The following UROC1 variants were observed in gnomAD, a reference collection of about 807,000 sequenced individuals.
The protein encoded by UROC1 is urocanate hydratase.
Under a neutral mutation model 89.5 loss-of-function variants are expected in UROC1, and 79 were observed. That is an observed-to-expected ratio of 0.88 (90% CI 0.74 to 1.06). The LOEUF is 1.06. UROC1 is among the 50% of genes least tolerant of loss of function. UROC1 has a pLI of 0.00. For missense variants in UROC1, 885 were observed against 907.8 expected (o/e 0.97, Z 0.32); for synonymous variants, 361 against 354.8 (o/e 1.02, Z -0.20).
At position 126,504,040 on chromosome 3, in the gene UROC1, A is replaced by G; in HGVS notation, c.857T>C (p.Leu286Pro). 6.2e-7 allele frequency: 1 copy of G among 1,614,140 alleles called. No homozygotes were observed. Among genetic ancestry groups the G allele is most frequent in the Non-Finnish European group, 8.5e-7 (1 of 1,180,038 alleles). The change falls in exon 9 of 20, where the codon CTG becomes CCG. Residue 286 changes from leucine (L) to proline (P), a missense_variant. Coordinates refer to ENST00000290868, the MANE Select transcript of UROC1 (RefSeq NM_144639.3). ...GTCCAAGCTGTCAGTCACTTCCATC[A>G]GCCAGCCCTGCCTGTGGCGTTTCTC... The part of the protein sequence containing the change: ...ALEKRHRQGW[L>P]MEVTDSLDRC...
chr3:126,513,465 T>C (rs1936237098), intron 1 of UROC1, among the ~76,000 whole-genome samples: 1 of 152,196 alleles, frequency 6.6e-6, no homozygotes, highest in Non-Finnish European at 1.5e-5. Flanking sequence ...GACAGCGCTC[T>C]GGGTTGCATG....
chr3:126,510,651 C>G lies in UROC1; in HGVS notation c.257+13G>C. 6.2e-7 allele frequency: 1 copy of G among 1,613,762 alleles called. No individual in the cohort carries two copies. The highest frequency in any genetic ancestry group is 1.1e-5 in the South Asian group (1 of 91,056). ...CCCTCGGGTCCCTTTGAAGCTGTAC[C>G]CACAAGGCTGACCTCATTTCAATGT... On this transcript the variant is annotated intron_variant, in intron 2 of 19. Coordinates refer to ENST00000290868, the MANE Select transcript of UROC1 (RefSeq NM_144639.3).
At chr3:126,510,319 C>A (rs190485031) in intron 2 of UROC1, among the ~76,000 whole-genome samples, 63 of 152,346 alleles carry the variant, frequency 4.1e-4, no homozygotes, top group African/African-American at 1.3e-3. Context: ...CTCCCCAAAG[C>A]TCTCCCTGCC....
At chr3:126,499,885 T>C (rs1414833604) in intron 12 of UROC1, among the ~76,000 whole-genome samples, 172 bp downstream of exon 12, 2 of 152,150 alleles carry the variant, frequency 1.3e-5, no homozygotes, top group Non-Finnish European at 1.5e-5. Flanking sequence ...CTGAGCCACC[T>C]GGCTGGGCCT....
At chr3:126,504,333 C>G (rs190441431) in intron 8 of UROC1, among the ~76,000 whole-genome samples, 1 of 152,302 alleles carries the variant, frequency 6.6e-6, no homozygotes, top group East Asian at 1.9e-4. Flanking sequence ...TACGTCCAAG[C>G]TAATCACAAG....
At chr3:126,493,595 T>G (rs2107537646) in intron 15 of UROC1, among the ~76,000 whole-genome samples, 1 of 152,200 alleles carries the variant, frequency 6.6e-6, no homozygotes, top group African/African-American at 2.4e-5. Flanking sequence ...AATGGGGAGT[T>G]AGTGTTTAAT....
Position 126,505,944 on chromosome 3 carries a change from C to T in UROC1, c.669+1G>A, listed in dbSNP as rs1196464320. 4 of 1,612,978 alleles carry T rather than the reference C, an allele frequency of 2.5e-6. No individual in the cohort carries two copies. The highest frequency in any genetic ancestry group is 3.4e-6 in the Non-Finnish European group (4 of 1,179,834). ...CAGCCAGGCGTGGCCCCATCTCTCA[C>T]CACAGTGCCATGAACGATTCCCTGG... On this transcript the variant is annotated splice_donor_variant, in intron 7 of 19. Coordinates refer to ENST00000290868, the MANE Select transcript of UROC1 (RefSeq NM_144639.3). LOFTEE classifies it high-confidence loss of function.
chr3:126,508,697 C>G (rs1936126425), intron 3 of UROC1, among the ~76,000 whole-genome samples: 1 of 152,142 alleles, frequency 6.6e-6, no homozygotes, highest in Non-Finnish European at 1.5e-5. Context: ...GGTCTGGGGT[C>G]ACTCTGGGAA....
At chr3:126,505,435 G>A (rs577326176) in intron 8 of UROC1, among the ~76,000 whole-genome samples, 2 of 152,280 alleles carry the variant, frequency 1.3e-5, no homozygotes, top group African/African-American at 4.8e-5. Context: ...GACGGTCAGA[G>A]TTTTGTGGTC....
chr3:126,513,484 T>C (rs946206791), intron 1 of UROC1, among the ~76,000 whole-genome samples: 11 of 152,212 alleles, frequency 7.2e-5, no homozygotes, highest in Non-Finnish European at 1.6e-4. Context: ...TGGGCTGCAG[T>C]GGCTCTGCGA....
chr3:126,497,467 G>A (rs993045169), intron 14 of UROC1, among the ~76,000 whole-genome samples: 5 of 152,238 alleles, frequency 3.3e-5, no homozygotes, highest in African/African-American at 1.2e-4. Context: ...AACCCAGGAT[G>A]AACATGGGGG....
chr3:126,504,058 C>A lies in UROC1; in HGVS notation c.839G>T (p.Arg280Leu), dbSNP rs367879924. The A allele has an allele frequency of 2.3e-4, 370 of 1,613,898 alleles. No individual in the cohort carries two copies. The highest frequency in any genetic ancestry group is 3.0e-4 in the Non-Finnish European group (355 of 1,180,036). Residue 280 changes from arginine (R) to leucine (L), a missense_variant, in exon 9 of 20, where the codon CGC (arginine) becomes CTC (leucine). Coordinates refer to ENST00000290868, the MANE Select transcript of UROC1 (RefSeq NM_144639.3). The part of the protein sequence containing the change: ...AEVDKAALEK[R>L]HRQGWLMEVT... ...TTCCATCAGCCAGCCCTGCCTGTGG[C>A]GTTTCTCAAGGGCTGCTTTATCCAC...
At position 126,488,631 on chromosome 3, in the gene UROC1, G is replaced by A. The variant is rs537695203; in HGVS notation, c.1709-352C>T. Reference sequence around the variant, plus strand: ...GAGAGTCACTCATATTCTTAAAAAGGGGGGCAGAGGAGCAAACTGCAAATA... The same window carrying A: ...GAGAGTCACTCATATTCTTAAAAAGAGGGGCAGAGGAGCAAACTGCAAATA... On this transcript the variant is annotated intron_variant, in intron 17 of 19. Transcript: ENST00000290868. Among the ~76,000 whole-genome samples the A allele has an allele frequency of 2.0e-5, 3 of 152,348 alleles. No individual in the cohort carries two copies. In the South Asian group the frequency reaches 6.2e-4, roughly 32 times the overall value.
At chr3:126,486,842 G>A (rs1321196173) in intron 18 of UROC1, among the ~76,000 whole-genome samples, 1 of 152,254 alleles carries the variant, frequency 6.6e-6, no homozygotes, top group Non-Finnish European at 1.5e-5. Context: ...CGTCCCTTTG[G>A]AGTAGCCATG....
chr3:126,497,563 A>G (rs1178827611), intron 14 of UROC1, among the ~76,000 whole-genome samples: 1 of 152,244 alleles, frequency 6.6e-6, no homozygotes, highest in Non-Finnish European at 1.5e-5. Context: ...CATGGAAGAC[A>G]GCAAGAAGGA....
intron 1 of UROC1, among the ~76,000 whole-genome samples, chr3:126,515,612 C>T (rs1322345195): frequency 1.0e-5 from 1 of 98,918 alleles, no homozygotes; most frequent in African/African-American, 4.2e-5. Context: ...GCCCAGCACC[C>T]ACCACCTACC....
At chr3:126,497,015 A>G (rs557283399) in intron 14 of UROC1, among the ~76,000 whole-genome samples, 1 of 152,262 alleles carries the variant, frequency 6.6e-6, no homozygotes, top group East Asian at 1.9e-4. Context: ...CTGTTCTCAC[A>G]CCAGGGAAGC....
chr3:126,484,149 A>G (rs1020454097), intron 18 of UROC1, among the ~76,000 whole-genome samples: 2 of 152,144 alleles, frequency 1.3e-5, no homozygotes, highest in Non-Finnish European at 2.9e-5. Context: ...TTTTCTAATT[A>G]ATGCATTTCT....
Position 126,508,087 on chromosome 3 carries a change from C to T in UROC1, c.420G>A (p.Leu140=), listed in dbSNP as rs757321207. 11 of 1,613,744 alleles carry T rather than the reference C, an allele frequency of 6.8e-6. No individual in the cohort carries two copies. Among genetic ancestry groups the T allele is most frequent in the Admixed American group, 1.7e-5 (1 of 60,012 alleles). ...TCATCTTCGACAAGTAGAACATGGT[C>T]AGCCAGAACTGGGGGAAGAGCAGAG... ...QVFSNWAQFW[L]TMFYLSKMTE... Residue 140 remains leucine, a synonymous_variant, in exon 5 of 20, where the codon CTG becomes CTA. Transcript: ENST00000290868.
Sources: gnomAD v4.1 joint callset for allele counts (sites outside exome capture counted in the v4.1 genomes callset) on GRCh38, gnomAD v4.1.1 for gene constraint, MANE v1.5 for transcripts, NCBI Gene and HGNC (gene_info 2026-07-23, HGNC 2026-07-21) for gene names.